The following POU2F2 variants were observed in gnomAD, a reference collection of about 807,000 sequenced individuals.
The protein encoded by POU2F2 is POU class 2 homeobox 2.
Under a neutral mutation model 63.5 loss-of-function variants are expected in POU2F2, and 14 were observed. The observed-to-expected ratio is 0.22, with a 90% CI of 0.15 to 0.34. The LOEUF is 0.34. Among genes scored for constraint, POU2F2 ranks in the 10% least tolerant of loss-of-function variants. The pLI is 1.00. For missense variants in POU2F2, 607 were observed against 815.2 expected, an observed-to-expected ratio of 0.74 and a Z score of 3.11; for synonymous variants, 306 against 348.6, an observed-to-expected ratio of 0.88 and a Z score of 1.36.
At chr19:42,114,640 G>A (rs1260502686) in intron 5 of POU2F2, among the ~76,000 whole-genome samples, 2 of 152,184 alleles carry the variant, frequency 1.3e-5, no homozygotes, top group Admixed American at 1.3e-4. Context: ...AGCAGCAGCC[G>A]CGGATCATGT....
chr19:42,116,888 C>A (rs868162133), intron 5 of POU2F2: 1 of 472,166 alleles, frequency 2.1e-6, no homozygotes, highest in South Asian at 1.6e-5. Flanking sequence ...GCGGCGGCGG[C>A]GGCGGCAGCG....
At chr19:42,182,242 A>AAGAGAGAGAG (rs55947953) in intron 1 of POU2F2, among the ~76,000 whole-genome samples, 2,379 of 125,938 alleles carry the variant, frequency 0.019, 55 homozygotes, top group South Asian at 0.045. Flanking sequence ...TCTGTCTCAA[A>AAGAGAGAGAG]AGAGAGAGAG....
In POU2F2 at chr19:42,095,144, C is replaced by T; in HGVS notation, c.1197+142G>A. The T allele has an allele frequency of 9.3e-7, 1 of 1,079,080 alleles. No individual in the cohort carries two copies. The highest frequency in any genetic ancestry group is 1.7e-5 in the South Asian group (1 of 59,964). 66.8% of individuals were successfully genotyped at this position (1,079,080 alleles called of 1,614,324 possible). A position where few individuals can be genotyped will look rare whatever the true frequency, so the allele number is the denominator to read the frequency against. Reference sequence around the variant, plus strand: ...TGGAAACCGTCCCTGTGTAACTGTGCCCATCTACGTGATGGCCTGTCTCCA... The same window carrying T: ...TGGAAACCGTCCCTGTGTAACTGTGTCCATCTACGTGATGGCCTGTCTCCA... On this transcript the variant is annotated intron_variant, in intron 11 of 14. Coordinates refer to ENST00000692977, the MANE Select transcript of POU2F2 (RefSeq NM_001394376.1). The surrounding 1 kb of genome is among the most constrained non-coding windows in gnomAD (Gnocchi z 7.1).
rs545104635 is a variant in POU2F2, at chr19:42,090,187, T to G, written c.*1070A>C. Reference sequence around the variant, plus strand: ...CAAAGAACGTGAAGGATCCCACGGATAGGCACTGGAATATGAATTTTTTTT... The same window carrying G: ...CAAAGAACGTGAAGGATCCCACGGAGAGGCACTGGAATATGAATTTTTTTT... On this transcript the variant is annotated 3_prime_UTR_variant, in exon 15 of 15. Coordinates refer to ENST00000692977, the MANE Select transcript of POU2F2 (RefSeq NM_001394376.1). This position sits in a 1 kb window ranked among gnomAD's most constrained non-coding sequence, Gnocchi z 4.4. 7.9e-5 allele frequency: 12 copies of G among 152,176 alleles called. No homozygotes were observed. In the East Asian group the frequency reaches 2.3e-3, roughly 29 times the overall value. 9.4% of individuals were successfully genotyped at this position (152,176 alleles called of 1,614,324 possible). A position where few individuals can be genotyped will look rare whatever the true frequency, so the allele number is the denominator to read the frequency against.
At position 42,096,347 on chromosome 19, in the gene POU2F2, T is replaced by A; in HGVS notation, c.568-104A>T. The A allele has an allele frequency of 8.1e-7, 1 of 1,234,818 alleles. No individual in the cohort carries two copies. Among genetic ancestry groups the A allele is most frequent in the Non-Finnish European group, 1.1e-6 (1 of 914,324 alleles). The allele number at this position is 1,234,818 out of a possible 1,614,324, so 76.5% of individuals were successfully genotyped here. On this transcript the variant is annotated intron_variant, in intron 7 of 14. Coordinates refer to ENST00000692977, the MANE Select transcript of POU2F2 (RefSeq NM_001394376.1). This position sits in a 1 kb window ranked among gnomAD's most constrained non-coding sequence, Gnocchi z 4.1. ...CCGCCCTCTTCGCCCCTGCGTTCCA[T>A]CCGCCGCCTGCAGACTCCCCCCGCC...
At chr19:42,124,279 G>A (rs1268443663) in intron 1 of POU2F2, among the ~76,000 whole-genome samples, 1 of 149,262 alleles carries the variant, frequency 6.7e-6, no homozygotes, top group Non-Finnish European at 1.5e-5. Flanking sequence ...GCTCCAGCCT[G>A]GGTGACAGAG....
At chr19:42,135,527 G>A (rs564970757), upstream of POU2F2, among the ~76,000 whole-genome samples, 42 of 151,776 alleles carry the variant, frequency 2.8e-4, no homozygotes, top group Admixed American at 2.4e-3. Flanking sequence ...CCTGCTGCAG[G>A]GCCATGTGGT....
chr19:42,129,743 C>A (rs1379974692), intron 1 of POU2F2, among the ~76,000 whole-genome samples: 2 of 152,198 alleles, frequency 1.3e-5, no homozygotes, highest in Non-Finnish European at 2.9e-5. Flanking sequence ...AGCACCTCAC[C>A]CCTCCCCACC....
At chr19:42,130,837 C>A (rs769666453) in intron 1 of POU2F2, among the ~76,000 whole-genome samples, 1 of 151,426 alleles carries the variant, frequency 6.6e-6, no homozygotes, top group Admixed American at 6.6e-5. Flanking sequence ...AGGGCTCCTA[C>A]GATCCCCTAA....
intron 4 of POU2F2, 33 bp downstream of exon 4, chr19:42,122,093 C>T: frequency 6.3e-7 from 1 of 1,590,064 alleles, no homozygotes; most frequent in South Asian, 1.1e-5. Flanking sequence ...CCAAGCGCTG[C>T]CCACTTCCCT....
At chr19:42,112,578 C>T (rs1201190023) in intron 5 of POU2F2, among the ~76,000 whole-genome samples, 1 of 152,140 alleles carries the variant, frequency 6.6e-6, no homozygotes, top group Non-Finnish European at 1.5e-5. Context: ...CCATGTTGGC[C>T]AGACTGGTCT....
At chr19:42,148,765 G>A (rs1230202198) in intron 2 of POU2F2, among the ~76,000 whole-genome samples, 2 of 118,794 alleles carry the variant, frequency 1.7e-5, no homozygotes, top group African/African-American at 6.4e-5. Context: ...ACTGTTGCAC[G>A]GGTTCTTCCT....
upstream of POU2F2, among the ~76,000 whole-genome samples, chr19:42,178,538 AGAAAGAGCCGTT>A (rs144829125): frequency 7.1e-3 from 1,083 of 152,286 alleles, 14 homozygotes; most frequent in African/African-American, 0.024. Flanking sequence ...ACAGAGATTA[AGAAAGAGCCGTT>A]GAAAGAGCCG....
chr19:42,172,532 G>A (rs566990979), intron 1 of POU2F2, among the ~76,000 whole-genome samples: 14 of 152,280 alleles, frequency 9.2e-5, no homozygotes, highest in East Asian at 3.9e-4. Flanking sequence ...TGCCTGTCCC[G>A]AGGATCTAAT....
At chr19:42,113,359 C>T (rs1204550962) in intron 5 of POU2F2, among the ~76,000 whole-genome samples, 2 of 152,130 alleles carry the variant, frequency 1.3e-5, no homozygotes, top group Admixed American at 6.5e-5. Context: ...ATCCACACAG[C>T]CCCCTCGGCA....
In POU2F2 at chr19:42,087,023, T is replaced by C. The variant is rs2076569937; in HGVS notation, c.*4234A>G. ...TTTGGAGACTGCTGAGGTCAAAGTT[T>C]AAACCGCATGAAGGACTTGCGGCTT... On this transcript the variant is annotated 3_prime_UTR_variant, in exon 15 of 15. Coordinates refer to ENST00000692977, the MANE Select transcript of POU2F2 (RefSeq NM_001394376.1). 2.0e-5 allele frequency: 3 copies of C among 152,198 alleles called. No homozygotes were observed. The highest frequency in any genetic ancestry group is 4.1e-4 in the South Asian group (2 of 4,834). The allele number at this position is 152,198 out of a possible 1,614,324, so 9.4% of individuals were successfully genotyped here. A position where few individuals can be genotyped will look rare whatever the true frequency, so the allele number is the denominator to read the frequency against.
intron 1 of POU2F2, among the ~76,000 whole-genome samples, chr19:42,128,839 T>TA (rs2033435128): frequency 7.2e-6 from 1 of 139,780 alleles, no homozygotes; most frequent in Admixed American, 7.0e-5. Context: ...GGTGATTCTC[T>TA]TTTTTTTTTT....
At chr19:42,188,374 A>G (rs1208395906) in intron 1 of POU2F2, among the ~76,000 whole-genome samples, 1 of 151,736 alleles carries the variant, frequency 6.6e-6, no homozygotes, top group Non-Finnish European at 1.5e-5. Context: ...TCCAAAAAAA[A>G]AAAAAGAAAA....
At chr19:42,140,951 T>C (rs2034115252) in intron 2 of POU2F2, among the ~76,000 whole-genome samples, 2 of 152,196 alleles carry the variant, frequency 1.3e-5, no homozygotes, top group Non-Finnish European at 2.9e-5. Context: ...CTCACCTTTC[T>C]CCTCTGTTCA....
Sources: gnomAD v4.1 joint callset for allele counts (sites outside exome capture counted in the v4.1 genomes callset) on GRCh38, gnomAD v4.1.1 for gene constraint, Gnocchi (gnomAD v3.1) non-coding constraint, MANE v1.5 for transcripts, NCBI Gene and HGNC (gene_info 2026-07-23, HGNC 2026-07-21) for gene names.